Variants in ARHGAP26 observed in about 807,000 individuals in gnomAD.
ARHGAP26 encodes the protein Rho GTPase activating protein 26.
Under a neutral mutation model 104.8 loss-of-function variants are expected in ARHGAP26, and 38 were observed. That is an observed-to-expected ratio of 0.36 (90% CI 0.28 to 0.48). ARHGAP26 has a LOEUF of 0.48. Ranked by LOEUF, ARHGAP26 falls within the 20% of genes least tolerant of loss-of-function variation. The pLI is 0.99. For synonymous variants in ARHGAP26, 341 were observed against 340.0 expected, an observed-to-expected ratio of 1.00 and a Z score of -0.03; for missense variants, 704 against 947.9, an observed-to-expected ratio of 0.74 and a Z score of 3.38.
At chr5:142,872,686 A>T (rs1368017306) in intron 1 of ARHGAP26, among the ~76,000 whole-genome samples, 1 of 152,130 alleles carries the variant, frequency 6.6e-6, no homozygotes, top group Non-Finnish European at 1.5e-5. Flanking sequence ...TTTCTTATGG[A>T]TACTGCGTGT....
chr5:142,916,999 G>A lies in ARHGAP26; in HGVS notation c.1028+3706G>A, dbSNP rs77337572. Among the ~76,000 whole-genome samples, 884 of 152,032 alleles carry A rather than the reference G, an allele frequency of 5.8e-3. 12 individuals are homozygous for A. The highest frequency in any genetic ancestry group is 0.02 in the African/African-American group (827 of 41,440). On this transcript the variant is annotated intron_variant, in intron 10 of 22. Transcript: ENST00000645722. ...GGGATTTGAACTGAGGTTCTCAGGA[G>A]CCTGTTCCAGGGCACATTGGTGCCT...
intron 12 of ARHGAP26, among the ~76,000 whole-genome samples, chr5:143,026,495 C>T (rs1348810171): frequency 1.3e-5 from 2 of 151,970 alleles, no homozygotes; most frequent in Non-Finnish European, 2.9e-5. Context: ...GGGAGGGAAG[C>T]GTGTCAGGAG....
At chr5:143,060,191 A>G (rs906287232) in intron 17 of ARHGAP26, among the ~76,000 whole-genome samples, 3 of 152,152 alleles carry the variant, frequency 2.0e-5, no homozygotes, top group Non-Finnish European at 1.5e-5. Flanking sequence ...TGGGCTACTT[A>G]CTTAATGGTC....
At chr5:143,044,899 A>G (rs1784009755) in intron 14 of ARHGAP26, among the ~76,000 whole-genome samples, 3 of 152,186 alleles carry the variant, frequency 2.0e-5, no homozygotes, top group Non-Finnish European at 4.4e-5. Flanking sequence ...ACACACTCAT[A>G]GTGAGTATAC....
Position 143,037,261 on chromosome 5 carries a change from G to T in ARHGAP26, c.1210G>T (p.Gly404Trp). ...RKCIHAVETRGINEQGLYRIV... is the reference protein window; with the variant it reads ...RKCIHAVETRWINEQGLYRIV... Reference sequence around the variant, plus strand: ...ATGCATCCATGCTGTGGAAACCAGAGGTAAAGTAGTTTAACAGATGGCATT... The same window carrying T: ...ATGCATCCATGCTGTGGAAACCAGATGTAAAGTAGTTTAACAGATGGCATT... The change falls in exon 13 of 23, where the codon GGG (glycine) becomes TGG (tryptophan). Residue 404 changes from glycine (G) to tryptophan (W), a missense_variant and splice_region_variant. Physicochemically the swap from Gly to Trp is radical, Grantham distance 184. Transcript: ENST00000645722. 1 of 1,595,150 alleles carries T rather than the reference G, an allele frequency of 6.3e-7. No individual in the cohort carries two copies. Among genetic ancestry groups the T allele is most frequent in the South Asian group, 1.1e-5 (1 of 89,412 alleles).
intron 12 of ARHGAP26, among the ~76,000 whole-genome samples, chr5:143,033,143 T>G (rs1247172631): frequency 1.3e-5 from 2 of 152,272 alleles, no homozygotes; most frequent in Non-Finnish European, 2.9e-5. Flanking sequence ...ATCGTATCCA[T>G]TTGAACTTAG....
intron 17 of ARHGAP26, among the ~76,000 whole-genome samples, chr5:143,058,379 A>G (rs1786176119): frequency 6.6e-6 from 1 of 152,238 alleles, no homozygotes; most frequent in South Asian, 2.1e-4. Flanking sequence ...GAGATAATCA[A>G]AGCATTCAGT....
At chr5:142,979,980 A>T (rs1174994840) in intron 11 of ARHGAP26, among the ~76,000 whole-genome samples, 1 of 152,222 alleles carries the variant, frequency 6.6e-6, no homozygotes, top group Non-Finnish European at 1.5e-5. Context: ...TAAATATGTG[A>T]TCACCAACCA....
chr5:143,009,885 A>G (rs935108802), intron 11 of ARHGAP26, among the ~76,000 whole-genome samples: 3 of 152,220 alleles, frequency 2.0e-5, no homozygotes, highest in East Asian at 1.9e-4. Flanking sequence ...CTGAGGAGCC[A>G]CAGATCAGGC....
intron 1 of ARHGAP26, among the ~76,000 whole-genome samples, chr5:142,848,875 TC>T (rs1473706503): frequency 6.6e-6 from 1 of 152,182 alleles, no homozygotes; most frequent in African/African-American, 2.4e-5. Flanking sequence ...GCTCTTTCTT[TC>T]CCGCCTACTT....
rs1562136732 is a variant in ARHGAP26, at chr5:142,949,208, AGAGAGAGAGAGAGGAGAGAGAGAG to A, written c.1107+17097_1107+17120del. Reference sequence around the variant, plus strand: ...GAGAGAGAGAGAGAGAGAGAGAGAGAGAGAGAGAGAGAGGAGAGAGAGAGGAGAGAGAGAGAGAGAGAGAGAGAG... The same window carrying A: ...GAGAGAGAGAGAGAGAGAGAGAGAGAGAGAGAGAGAGAGAGAGAGAGAGAG... On this transcript the variant is annotated intron_variant, in intron 11 of 22. Coordinates refer to ENST00000645722, the MANE Select transcript of ARHGAP26 (RefSeq NM_001135608.3). Among the ~76,000 whole-genome samples the A allele has an allele frequency of 6.4e-5, 4 of 62,176 alleles. 1 individual carries two copies. Among genetic ancestry groups the A allele is most frequent in the African/African-American group, 2.4e-4 (2 of 8,390 alleles). 40.8% of individuals were successfully genotyped at this position (62,176 alleles called of 152,430 possible). A position where few individuals can be genotyped will look rare whatever the true frequency, so the allele number is the denominator to read the frequency against.
intron 1 of ARHGAP26, among the ~76,000 whole-genome samples, chr5:142,792,388 G>A (rs2151915205): frequency 6.6e-6 from 1 of 152,212 alleles, no homozygotes; most frequent in South Asian, 2.1e-4. Flanking sequence ...CTTTCTCTTG[G>A]GCTCCGTTTC....
chr5:143,118,547 A>G (rs7709508), intron 17 of ARHGAP26, among the ~76,000 whole-genome samples: 29,603 of 152,164 alleles, frequency 0.19, 5,639 homozygotes, highest in African/African-American at 0.49. Context: ...AAGCTGGGAG[A>G]ATCACTTGAG....
At chr5:142,846,281 G>C (rs1340897081) in intron 1 of ARHGAP26, among the ~76,000 whole-genome samples, 1 of 152,170 alleles carries the variant, frequency 6.6e-6, no homozygotes, top group Non-Finnish European at 1.5e-5. Flanking sequence ...AGGTCACATG[G>C]CTGGAGTTGT....
At chr5:143,133,833 A>T (rs1033543029) in intron 18 of ARHGAP26, 134 bp from the exon 19 acceptor site, 1 of 798,512 alleles carries the variant, frequency 1.3e-6, no homozygotes, top group Non-Finnish European at 1.9e-6. Flanking sequence ...AGTCTTGAAC[A>T]ACTGCCAGTG....
intron 17 of ARHGAP26, among the ~76,000 whole-genome samples, chr5:143,116,333 C>T (rs991603783): frequency 3.9e-5 from 6 of 152,170 alleles, no homozygotes; most frequent in Admixed American, 3.9e-4. Flanking sequence ...TGTTGCTCCA[C>T]CCATCCAACC....
At chr5:143,048,037 C>T (rs537966795) in intron 14 of ARHGAP26, among the ~76,000 whole-genome samples, 2 of 152,068 alleles carry the variant, frequency 1.3e-5, no homozygotes, top group South Asian at 2.1e-4. Flanking sequence ...TTAGTAGAGT[C>T]AAGGTTTCAC....
chr5:142,937,899 A>C (rs1027264171), intron 11 of ARHGAP26, among the ~76,000 whole-genome samples: 5 of 152,164 alleles, frequency 3.3e-5, no homozygotes, highest in Non-Finnish European at 7.4e-5. Flanking sequence ...GGAAGCAACT[A>C]TAAAGGGGGT....
chr5:143,115,638 G>A lies in ARHGAP26; in HGVS notation c.1539-5350G>A, dbSNP rs182074438. On this transcript the variant is annotated intron_variant, in intron 17 of 22. Transcript: ENST00000645722. ...CTACCACTTTCATCAGCACTACCTCGACAGCCACCATGACAAGAGCAGATG... is the reference window on the plus strand; with the variant it reads ...CTACCACTTTCATCAGCACTACCTCAACAGCCACCATGACAAGAGCAGATG... Among the ~76,000 whole-genome samples, 302 of 152,132 alleles carry A rather than the reference G, an allele frequency of 2.0e-3. No homozygotes were observed. In the Middle Eastern group the frequency reaches 0.02, roughly 10 times the overall value.
Sources: gnomAD v4.1 joint callset for allele counts (sites outside exome capture counted in the v4.1 genomes callset) on GRCh38, gnomAD v4.1.1 for gene constraint, MANE v1.5 for transcripts, NCBI Gene and HGNC (gene_info 2026-07-23, HGNC 2026-07-21) for gene names.